The following USP46 variants were observed in gnomAD, a reference collection of about 807,000 sequenced individuals.
USP46 encodes ubiquitin carboxyl-terminal hydrolase 46.
In USP46, 12 loss-of-function variants were observed where a neutral mutation model predicts 44.4. The ratio of observed to expected loss-of-function variants is 0.27; its 90% CI spans 0.17 to 0.44. The LOEUF (loss-of-function observed/expected upper bound fraction) is 0.44, where lower values mean the gene tolerates loss of function less well. Among genes scored for constraint, USP46 ranks in the 20% least tolerant of loss-of-function variants. The pLI is 1.00. For missense variants in USP46, 248 were observed against 444.8 expected (o/e 0.56, Z 3.98); for synonymous variants, 155 against 161.5 (o/e 0.96, Z 0.31).
chr4:52,630,489 T>TCA (rs1436841512), intron 2 of USP46, among the ~76,000 whole-genome samples: 2 of 152,302 alleles, frequency 1.3e-5, no homozygotes. Context: ...GTGCAGTGGC[T>TCA]CACACCTGTA....
chr4:52,602,908 C>T (rs1362134433), intron 6 of USP46, among the ~76,000 whole-genome samples: 1 of 152,136 alleles, frequency 6.6e-6, no homozygotes, highest in Non-Finnish European at 1.5e-5. Context: ...GTCGCAAAGG[C>T]AACAGTTTAT....
Position 52,596,879 on chromosome 4 carries a change from T to TA in USP46, c.*760dup, listed in dbSNP as rs1716265337. 1.3e-5 allele frequency: 2 copies of TA among 152,572 alleles called. No individual in the cohort carries two copies. The highest frequency in any genetic ancestry group is 4.8e-5 in the African/African-American group (2 of 41,412). 9.5% of individuals were successfully genotyped at this position (152,572 alleles called of 1,614,324 possible). A position where few individuals can be genotyped will look rare whatever the true frequency, so the allele number is the denominator to read the frequency against. On this transcript the variant is annotated 3_prime_UTR_variant, in exon 9 of 9. Transcript: ENST00000441222. Reference sequence around the variant, plus strand: ...TAAGTGTCACTGAAAATAAACAACATAGAGTTATTTTCCTGAAACTTGGTT... The same window carrying TA: ...TAAGTGTCACTGAAAATAAACAACATAAGAGTTATTTTCCTGAAACTTGGTT...
At chr4:52,610,719 G>T in intron 4 of USP46, 102 bp from the exon 5 acceptor site, 2 of 1,089,950 alleles carry the variant, frequency 1.8e-6, no homozygotes, top group Admixed American at 2.0e-5. Flanking sequence ...AACCATAACT[G>T]CAGTTAAAGT....
intron 6 of USP46, among the ~76,000 whole-genome samples, chr4:52,603,419 G>C (rs1716555627): frequency 6.6e-6 from 1 of 152,226 alleles, no homozygotes; most frequent in Admixed American, 6.5e-5. Context: ...AGGCTGGGCA[G>C]AGAAATGATC....
chr4:52,605,605 T>C (rs1716657643), intron 5 of USP46, among the ~76,000 whole-genome samples: 1 of 152,204 alleles, frequency 6.6e-6, no homozygotes, highest in African/African-American at 2.4e-5. Flanking sequence ...TCCCCAAATG[T>C]TTCCTGCCAG....
At chr4:52,627,010 A>T (rs1717619577) in intron 3 of USP46, among the ~76,000 whole-genome samples, 1 of 152,202 alleles carries the variant, frequency 6.6e-6, no homozygotes, top group South Asian at 2.1e-4. Flanking sequence ...CAGAAGGGAG[A>T]TGAGGGTATG....
rs923531985 is a variant in USP46 at position 52,595,804 on chromosome 4, T to C, written c.*1836A>G. The C allele has an allele frequency of 1.3e-5, 2 of 152,210 alleles. No individual in the cohort carries two copies. The highest frequency in any genetic ancestry group is 1.3e-4 in the Admixed American group (2 of 15,284). The allele number at this position is 152,210 out of a possible 1,614,324, so 9.4% of individuals were successfully genotyped here. A position where few individuals can be genotyped will look rare whatever the true frequency, so the allele number is the denominator to read the frequency against. ...CTTGCAGTCAAATATATGGATTCTA[T>C]ATAGTACAAACATTTCCCTACATCA... On this transcript the variant is annotated 3_prime_UTR_variant, in exon 9 of 9. Transcript: ENST00000441222.
chr4:52,622,859 G>A (rs1717432253), intron 4 of USP46, among the ~76,000 whole-genome samples: 1 of 152,186 alleles, frequency 6.6e-6, no homozygotes. Context: ...AGCAGGAAGG[G>A]ATTTGAAAGG....
chr4:52,597,838 C>T, intron 8 of USP46, 97 bp from the exon 9 acceptor site: 1 of 897,074 alleles, frequency 1.1e-6, no homozygotes, highest in Non-Finnish European at 1.7e-6. Context: ...ATGCAAGGAA[C>T]ACAATTTGTT....
intron 1 of USP46, chr4:52,656,360 C>T: frequency 6.5e-7 from 1 of 1,549,656 alleles, no homozygotes; most frequent in South Asian, 1.2e-5. Flanking sequence ...TACGTCTGAT[C>T]CAGTGAAAAG....
intron 1 of USP46, among the ~76,000 whole-genome samples, chr4:52,633,024 A>AAG (rs1356260090): frequency 4.7e-5 from 7 of 149,910 alleles, no homozygotes; most frequent in South Asian, 2.1e-4. Flanking sequence ...GAAAGAAAGA[A>AAG]AGAAAAAGAA....
chr4:52,647,328 A>G (rs1330203859), intron 1 of USP46, among the ~76,000 whole-genome samples: 2 of 152,252 alleles, frequency 1.3e-5, no homozygotes, highest in Admixed American at 6.5e-5. Flanking sequence ...ATAAGAAACT[A>G]TAACTATTGA....
chr4:52,637,164 G>A (rs989898205), intron 1 of USP46, among the ~76,000 whole-genome samples: 9 of 152,028 alleles, frequency 5.9e-5, no homozygotes, highest in Admixed American at 2.6e-4. Flanking sequence ...ATCACTCCTC[G>A]AAAAGCCCCT....
chr4:52,603,239 G>T (rs2109596828), intron 6 of USP46, among the ~76,000 whole-genome samples: 1 of 152,290 alleles, frequency 6.6e-6, no homozygotes, highest in African/African-American at 2.4e-5. Flanking sequence ...AAGACCCCAG[G>T]CCAGCCTTAG....
At chr4:52,609,898 CTTTTTTTTTTTTTTTTTTTTTTTTT>C (rs66817554) in intron 5 of USP46, among the ~76,000 whole-genome samples, 226 of 24,574 alleles carry the variant, frequency 9.2e-3, no homozygotes, top group Middle Eastern at 0.062. Flanking sequence ...AATTCTATTT[CTTTTTTTTTTTTTTTTTTTTTTTTT>C]TTTTTTTTTT....
intron 1 of USP46, among the ~76,000 whole-genome samples, chr4:52,648,024 C>G (rs17051648): frequency 0.18 from 27,670 of 152,196 alleles, 3,130 homozygotes; most frequent in African/African-American, 0.33. Context: ...AATCTCTCTG[C>G]TTAAGCCCCA....
intron 7 of USP46, 95 bp downstream of exon 7, chr4:52,601,762 G>A (rs1157508313): frequency 7.5e-7 from 1 of 1,324,966 alleles, no homozygotes; most frequent in Admixed American, 2.8e-5. Context: ...AAACTATTGA[G>A]TGCCACGGCC....
Position 52,630,751 on chromosome 4 carries a change from AAAAAG to A in USP46, c.117+308_117+312del, listed in dbSNP as rs1394268185. On this transcript the variant is annotated intron_variant, in intron 2 of 8. Coordinates refer to ENST00000441222, the MANE Select transcript of USP46 (RefSeq NM_022832.4). ...GACTCTGTCTCAAAAAAAAAAAAAA[AAAAAG>A]AAAAAATCAGATTTGGCTACAAAGA... Among the ~76,000 whole-genome samples, 22 of 151,888 alleles carry A rather than the reference AAAAAG, an allele frequency of 1.4e-4. 1 individual carries two copies. The highest frequency in any genetic ancestry group is 1.0e-3 in the South Asian group (5 of 4,808).
chr4:52,629,164 T>G (rs955794918), intron 2 of USP46, among the ~76,000 whole-genome samples: 1 of 152,238 alleles, frequency 6.6e-6, no homozygotes, highest in East Asian at 1.9e-4. Flanking sequence ...TGTGTGTCGT[T>G]TACCCAAGAG....
Sources: gnomAD v4.1 joint callset for allele counts (sites outside exome capture counted in the v4.1 genomes callset) on GRCh38, gnomAD v4.1.1 for gene constraint, MANE v1.5 for transcripts, NCBI Gene and HGNC (gene_info 2026-07-23, HGNC 2026-07-21) for gene names.